ATP2C1: variants seen among roughly 807,000 people sequenced by gnomAD.
ATP2C1 encodes the protein ATPase secretory pathway Ca2+ transporting 1, also known as calcium-transporting ATPase type 2C member 1.
In ATP2C1, 31 loss-of-function variants were observed where a neutral mutation model predicts 120.5. The observed-to-expected ratio is 0.26, with a 90% CI of 0.19 to 0.35. ATP2C1 has a LOEUF of 0.35. ATP2C1 is among the 10% of genes least tolerant of loss of function. The probability of loss-of-function intolerance (pLI) is 1.00; values close to 1 mark genes in which losing one functional copy is unlikely to be tolerated. For synonymous variants in ATP2C1, 351 were observed against 358.7 expected, an observed-to-expected ratio of 0.98 and a Z score of 0.24; for missense variants, 731 against 1,107.5, an observed-to-expected ratio of 0.66 and a Z score of 4.83.
chr3:130,991,567 A>T (rs1291963665), intron 20 of ATP2C1, among the ~76,000 whole-genome samples: 1 of 152,130 alleles, frequency 6.6e-6, no homozygotes, highest in African/African-American at 2.4e-5. Context: ...AAAGAAAAAA[A>T]AGGGAAAGGG....
intron 1 of ATP2C1, among the ~76,000 whole-genome samples, chr3:130,876,731 C>T (rs1218690395): frequency 6.6e-6 from 1 of 152,032 alleles, no homozygotes. Context: ...AATACTAATT[C>T]TTTCAATTCA....
intron 26 of ATP2C1, among the ~76,000 whole-genome samples, chr3:131,014,882 A>G (rs895299057): frequency 6.6e-6 from 1 of 152,232 alleles, no homozygotes; most frequent in African/African-American, 2.4e-5. Context: ...CAATCCATGT[A>G]GAACCATCAT....
intron 7 of ATP2C1, 55 bp downstream of exon 7, chr3:130,940,746 G>A: frequency 1.6e-6 from 2 of 1,283,608 alleles, no homozygotes; most frequent in South Asian, 1.2e-5. Context: ...GAAGTTGAAT[G>A]TGACTAGTAC....
chr3:130,977,389 C>T (rs1279823673), intron 18 of ATP2C1, among the ~76,000 whole-genome samples: 3 of 152,092 alleles, frequency 2.0e-5, no homozygotes, highest in Admixed American at 6.6e-5. Flanking sequence ...GTCATCACTT[C>T]CAGTTTGTTG....
chr3:131,015,403 C>A (rs1047787142), intron 26 of ATP2C1: 5 of 582,440 alleles, frequency 8.6e-6, no homozygotes, highest in African/African-American at 7.6e-5. Flanking sequence ...GATGTCCAAT[C>A]CATTGATCCT....
At chr3:130,914,269 C>A (rs1365319505) in intron 2 of ATP2C1, 4 of 151,498 alleles carry the variant, frequency 2.6e-5, no homozygotes, top group African/African-American at 9.7e-5. Flanking sequence ...AGTTTCATAG[C>A]TAAACATTTT....
chr3:130,970,369 T>TACACACACACACACACACACAC (rs201337484), intron 17 of ATP2C1, among the ~76,000 whole-genome samples: 10 of 130,696 alleles, frequency 7.7e-5, no homozygotes, highest in East Asian at 2.4e-4. Context: ...AAAAAAAAAT[T>TACACACACACACACACACACAC]ACACACACAC....
chr3:130,870,846 A>G (rs1374449957), intron 1 of ATP2C1, among the ~76,000 whole-genome samples: 1 of 152,232 alleles, frequency 6.6e-6, no homozygotes. Flanking sequence ...AGGTTCTACT[A>G]TGCTACTAAA....
chr3:130,926,286 C>G (rs529810526), intron 2 of ATP2C1, among the ~76,000 whole-genome samples: 1 of 152,252 alleles, frequency 6.6e-6, no homozygotes, highest in African/African-American at 2.4e-5. Flanking sequence ...TTAATTTGAG[C>G]ATCTAGATAT....
intron 12 of ATP2C1, chr3:130,959,564 T>G (rs982792157): frequency 4.5e-5 from 13 of 290,738 alleles, no homozygotes; most frequent in African/African-American, 2.4e-4. Flanking sequence ...CTGGAATTAC[T>G]AATGCATTAT....
intron 8 of ATP2C1, among the ~76,000 whole-genome samples, chr3:130,942,179 A>G (rs2059952009): frequency 6.6e-6 from 1 of 152,366 alleles, no homozygotes; most frequent in East Asian, 1.9e-4. Context: ...GATGGGGAAG[A>G]CAATGAAGCA....
At position 130,967,555 on chromosome 3, in the gene ATP2C1, C is replaced by G. The variant is rs2061103292; in HGVS notation, c.1308+136C>G. On this transcript the variant is annotated intron_variant, in intron 16 of 27. Coordinates refer to ENST00000510168, the MANE Select transcript of ATP2C1 (RefSeq NM_001378687.1). Reference sequence around the variant, plus strand: ...CATACTATTTCATTGTTTTTACTATCTTTTAGGTATCAGTTTTATTCCTAT... The same window carrying G: ...CATACTATTTCATTGTTTTTACTATGTTTTAGGTATCAGTTTTATTCCTAT... 4.2e-5 allele frequency: 31 copies of G among 737,090 alleles called. No individual in the cohort carries two copies. In the South Asian group the frequency reaches 4.5e-4, roughly 11 times the overall value. The allele number at this position is 737,090 out of a possible 1,614,324, so 45.7% of individuals were successfully genotyped here.
At position 130,999,409 on chromosome 3, in the gene ATP2C1, C is replaced by T. The variant is rs1320030439; in HGVS notation, c.2488-109C>T. On this transcript the variant is annotated intron_variant, in intron 26 of 27. Coordinates refer to ENST00000510168, the MANE Select transcript of ATP2C1 (RefSeq NM_001378687.1). ...GATATTTCATAGAATTGACATTGCACAATTCAGTGATAAAGTGACACTGCT... is the reference window on the plus strand; with the variant it reads ...GATATTTCATAGAATTGACATTGCATAATTCAGTGATAAAGTGACACTGCT... The T allele has an allele frequency of 2.8e-6, 3 of 1,061,844 alleles. No individual in the cohort carries two copies. The African/African-American group carries it at 4.7e-5, about 17-fold the overall frequency. 65.8% of individuals were successfully genotyped at this position (1,061,844 alleles called of 1,614,324 possible). A position where few individuals can be genotyped will look rare whatever the true frequency, so the allele number is the denominator to read the frequency against.
At chr3:131,004,248 G>A (rs1359022380), downstream of ATP2C1, among the ~76,000 whole-genome samples, 1 of 152,216 alleles carries the variant, frequency 6.6e-6, no homozygotes, top group Admixed American at 6.5e-5. Flanking sequence ...TTAAGACTGA[G>A]CTCCTGCAAT....
chr3:130,987,990 G>A (rs2062105233), intron 20 of ATP2C1, among the ~76,000 whole-genome samples: 1 of 152,122 alleles, frequency 6.6e-6, no homozygotes, highest in African/African-American at 2.4e-5. Flanking sequence ...GATAGAAGTG[G>A]TCATCCTCTT....
intron 1 of ATP2C1, among the ~76,000 whole-genome samples, chr3:130,875,649 T>C (rs369727739): frequency 1.1e-4 from 16 of 152,276 alleles, no homozygotes; most frequent in African/African-American, 3.8e-4. Context: ...TACCCGGTAG[T>C]GCTGAATCAC....
upstream of ATP2C1, among the ~76,000 whole-genome samples, chr3:130,893,023 CTTT>C (rs1277524192): frequency 6.6e-6 from 1 of 152,286 alleles, no homozygotes; most frequent in African/African-American, 2.4e-5. Context: ...CGGAAATTTT[CTTT>C]TGAGTTCTCT....
intron 4 of ATP2C1, among the ~76,000 whole-genome samples, chr3:130,933,123 G>A (rs2059520565): frequency 6.6e-6 from 1 of 152,178 alleles, no homozygotes; most frequent in Non-Finnish European, 1.5e-5. Context: ...ATGATTTAAT[G>A]TTTTACTTTC....
At chr3:130,893,883 ACATTGTCCATTC>A, upstream of ATP2C1, 2 of 979,336 alleles carry the variant, frequency 2.0e-6, no homozygotes, top group Non-Finnish European at 2.4e-6. Context: ...CCAAACCCAA[ACATTGTCCATTC>A]CGGGCCGAAG....
Sources: gnomAD v4.1 joint callset for allele counts (sites outside exome capture counted in the v4.1 genomes callset) on GRCh38, gnomAD v4.1.1 for gene constraint, MANE v1.5 for transcripts, NCBI Gene and HGNC (gene_info 2026-07-23, HGNC 2026-07-21) for gene names.